The following NDST3 variants were observed in gnomAD, a reference collection of about 807,000 sequenced individuals.
The protein encoded by NDST3 is N-deacetylase and N-sulfotransferase 3, also known as bifunctional heparan sulfate N-deacetylase/N-sulfotransferase 3.
NDST3 carries 58 observed loss-of-function variants against 96.1 expected under a neutral mutation model. The observed-to-expected ratio is 0.60, with a 90% CI of 0.49 to 0.75. NDST3 has a LOEUF of 0.75. Among genes scored for constraint, NDST3 ranks in the 30% least tolerant of loss-of-function variants. The probability of loss-of-function intolerance (pLI) is 0.00; values close to 1 mark genes in which losing one functional copy is unlikely to be tolerated. For synonymous variants in NDST3, 333 were observed against 359.7 expected (o/e 0.93, Z 0.84); for missense variants, 788 against 1,034.2 (o/e 0.76, Z 3.27).
intron 2 of NDST3, among the ~76,000 whole-genome samples, chr4:118,099,928 C>T (rs1305601448): frequency 1.3e-5 from 2 of 151,986 alleles, no homozygotes; most frequent in Non-Finnish European, 2.9e-5. Flanking sequence ...CTCCAGTGTC[C>T]TGCAGTCCAA....
At chr4:118,138,297 C>A in intron 5 of NDST3, 58 bp downstream of exon 5, 2 of 1,429,244 alleles carry the variant, frequency 1.4e-6, no homozygotes, top group Non-Finnish European at 1.9e-6. Context: ...TCATTCCTCA[C>A]TTGAAGAAAG....
chr4:118,232,795 C>G (rs1433636968), intron 8 of NDST3, among the ~76,000 whole-genome samples: 1 of 152,190 alleles, frequency 6.6e-6, no homozygotes, highest in Non-Finnish European at 1.5e-5. Context: ...AGCCAGTTCT[C>G]TCAATCCCTG....
intron 8 of NDST3, 32 bp downstream of exon 8, chr4:118,227,014 G>C (rs1174945147): frequency 2.8e-6 from 4 of 1,449,194 alleles, no homozygotes; most frequent in Non-Finnish European, 2.9e-6. Flanking sequence ...ATTAACGAGT[G>C]TAAATTTTCT....
intron 6 of NDST3, among the ~76,000 whole-genome samples, chr4:118,177,968 A>G (rs1736376905): frequency 6.6e-6 from 1 of 151,884 alleles, no homozygotes; most frequent in South Asian, 2.1e-4. Flanking sequence ...AATGAGAAAT[A>G]AAGTTGGATA....
chr4:118,074,346 A>T (rs770160689), intron 2 of NDST3, among the ~76,000 whole-genome samples: 1 of 151,608 alleles, frequency 6.6e-6, no homozygotes, highest in East Asian at 1.9e-4. Context: ...TTCTGCCTCA[A>T]TGAAGTCTCC....
At chr4:118,159,487 G>A (rs1734949622) in intron 6 of NDST3, among the ~76,000 whole-genome samples, 1 of 152,076 alleles carries the variant, frequency 6.6e-6, no homozygotes, top group African/African-American at 2.4e-5. Context: ...AGTGAGAGAG[G>A]AAGCTATTTT....
At chr4:118,037,327 C>T (rs2110418521) in intron 1 of NDST3, among the ~76,000 whole-genome samples, 1 of 152,288 alleles carries the variant, frequency 6.6e-6, no homozygotes, top group South Asian at 2.1e-4. Flanking sequence ...CACTGTTCTA[C>T]TTTACATATT....
chr4:118,237,591 G>A (rs1740726314), intron 10 of NDST3, among the ~76,000 whole-genome samples: 1 of 152,088 alleles, frequency 6.6e-6, no homozygotes. Flanking sequence ...TAAAGAGTCA[G>A]ATTGCAACAA....
At chr4:118,193,357 G>T in intron 6 of NDST3, 1 of 492,150 alleles carries the variant, frequency 2.0e-6, no homozygotes, top group South Asian at 2.6e-5. Context: ...GGGCAGAGTA[G>T]GGAGACGGGG....
intron 5 of NDST3, among the ~76,000 whole-genome samples, chr4:118,140,856 C>T (rs35872631): frequency 0.061 from 9,308 of 152,236 alleles, 379 homozygotes; most frequent in Non-Finnish European, 0.093. Flanking sequence ...TCTCCCTTGA[C>T]ATATGAGTAT....
intron 6 of NDST3, among the ~76,000 whole-genome samples, chr4:118,222,178 A>C (rs200060870): frequency 6.6e-6 from 1 of 151,914 alleles, no homozygotes; most frequent in Non-Finnish European, 1.5e-5. Flanking sequence ...AAGTGAAATG[A>C]CATTATAAAT....
intron 1 of NDST3, among the ~76,000 whole-genome samples, chr4:118,048,107 G>C (rs1298404140): frequency 6.6e-6 from 1 of 152,098 alleles, no homozygotes. Context: ...TTCCAACCAA[G>C]AACTTCATAT....
chr4:118,138,781 C>A (rs1484060631), intron 5 of NDST3, among the ~76,000 whole-genome samples: 1 of 152,130 alleles, frequency 6.6e-6, no homozygotes, highest in African/African-American at 2.4e-5. Context: ...TAATTCTATC[C>A]TGGGCTTCTC....
chr4:118,173,000 C>T (rs559803502), intron 6 of NDST3, among the ~76,000 whole-genome samples: 1 of 152,010 alleles, frequency 6.6e-6, no homozygotes, highest in South Asian at 2.1e-4. Flanking sequence ...CAGACAAGAA[C>T]AAGGAAATAA....
intron 9 of NDST3, among the ~76,000 whole-genome samples, chr4:118,233,361 T>C (rs1243868844): frequency 6.6e-6 from 1 of 152,184 alleles, no homozygotes; most frequent in African/African-American, 2.4e-5. Flanking sequence ...GTAATTTCAA[T>C]TGGCATTAAT....
intron 6 of NDST3, among the ~76,000 whole-genome samples, chr4:118,213,814 GT>G (rs1017365292): frequency 1.3e-5 from 2 of 151,066 alleles, no homozygotes; most frequent in African/African-American, 4.9e-5. Flanking sequence ...GACATTTTCT[GT>G]TTTTTACCTT....
At chr4:118,224,993 G>A (rs1464318394) in intron 7 of NDST3, among the ~76,000 whole-genome samples, 2 of 152,080 alleles carry the variant, frequency 1.3e-5, no homozygotes, top group African/African-American at 4.8e-5. Context: ...ATGGTAAACA[G>A]GTCGTTTGTT....
chr4:118,195,242 G>A (rs893106331), intron 6 of NDST3, among the ~76,000 whole-genome samples: 1 of 152,086 alleles, frequency 6.6e-6, no homozygotes, highest in African/African-American at 2.4e-5. Context: ...AGGTGATATG[G>A]TTTGGCTGTG....
At chr4:118,094,299 C>T (rs534864708) in intron 2 of NDST3, among the ~76,000 whole-genome samples, 4 of 151,970 alleles carry the variant, frequency 2.6e-5, no homozygotes, top group African/African-American at 9.6e-5. Flanking sequence ...CCCCAACTTG[C>T]ATCCAAAGAA....
Sources: allele counts gnomAD v4.1 joint callset (sites outside exome capture counted in the v4.1 genomes callset), GRCh38; gene constraint gnomAD v4.1.1; transcripts MANE v1.5; gene names NCBI Gene and HGNC (gene_info 2026-07-23, HGNC 2026-07-21).